The following CDK19 variants were observed in gnomAD, a reference collection of about 807,000 sequenced individuals.
CDK19 encodes the protein cyclin-dependent kinase 19.
CDK19 carries 20 observed loss-of-function variants against 68.3 expected under a neutral mutation model. That is an observed-to-expected ratio of 0.29 (90% CI 0.21 to 0.43). The LOEUF is 0.43. Among genes scored for constraint, CDK19 ranks in the 20% least tolerant of loss-of-function variants. The pLI, the probability that CDK19 is intolerant of heterozygous loss-of-function variation, is 1.00. For synonymous variants in CDK19, 221 were observed against 222.8 expected, an observed-to-expected ratio of 0.99 and a Z score of 0.07; for missense variants, 339 against 623.5, an observed-to-expected ratio of 0.54 and a Z score of 4.86.
chr6:110,757,031 G>A (rs1266407415), intron 1 of CDK19, among the ~76,000 whole-genome samples: 1 of 152,102 alleles, frequency 6.6e-6, no homozygotes, highest in Admixed American at 6.6e-5. Flanking sequence ...TAAAGATAGT[G>A]GTCAGTGCAA....
intron 1 of CDK19, among the ~76,000 whole-genome samples, chr6:110,780,388 CAAA>C (rs57316757): frequency 1.5e-5 from 1 of 67,122 alleles, no homozygotes; most frequent in Non-Finnish European, 3.4e-5. Flanking sequence ...CACTCTGTCT[CAAA>C]AAAAAAAAAA....
intron 1 of CDK19, among the ~76,000 whole-genome samples, chr6:110,797,073 G>A (rs1781990077): frequency 6.6e-6 from 1 of 151,662 alleles, no homozygotes; most frequent in Admixed American, 6.6e-5. Flanking sequence ...TGGGCACGGT[G>A]GCTCACACCT....
At chr6:110,730,122 A>G (rs1489371809) in intron 2 of CDK19, among the ~76,000 whole-genome samples, 1 of 152,212 alleles carries the variant, frequency 6.6e-6, no homozygotes, top group East Asian at 1.9e-4. Context: ...AGCAAAATCC[A>G]GAGCCTATCT....
chr6:110,710,721 G>A (rs1774876449), intron 2 of CDK19, among the ~76,000 whole-genome samples: 1 of 152,130 alleles, frequency 6.6e-6, no homozygotes, highest in Admixed American at 6.5e-5. Flanking sequence ...TCTCATTCAT[G>A]AGTGTGAAGC....
intron 1 of CDK19, among the ~76,000 whole-genome samples, chr6:110,777,401 A>G (rs1262553414): frequency 6.6e-6 from 1 of 152,182 alleles, no homozygotes; most frequent in African/African-American, 2.4e-5. Context: ...TAAACTTTAA[A>G]ATCTCAATAC....
intron 3 of CDK19, 92 bp downstream of exon 3, chr6:110,670,339 T>A (rs1770890848): frequency 1.6e-6 from 1 of 609,806 alleles, no homozygotes; most frequent in Non-Finnish European, 2.9e-6. Context: ...AGAGCAAGCT[T>A]TCCTTTCTGT....
At chr6:110,673,405 T>C (rs1222971715) in intron 2 of CDK19, among the ~76,000 whole-genome samples, 1 of 152,244 alleles carries the variant, frequency 6.6e-6, no homozygotes, top group Non-Finnish European at 1.5e-5. Flanking sequence ...GTTCTCTATA[T>C]ATTGGTGTAT....
intron 4 of CDK19, among the ~76,000 whole-genome samples, chr6:110,659,177 A>AT (rs1443711492): frequency 6.6e-6 from 1 of 152,246 alleles, no homozygotes; most frequent in Non-Finnish European, 1.5e-5. Flanking sequence ...ATCAGGCCCT[A>AT]TTTAGCAGAG....
At chr6:110,632,498 A>C (rs1779500730) in intron 5 of CDK19, among the ~76,000 whole-genome samples, 1 of 152,228 alleles carries the variant, frequency 6.6e-6, no homozygotes, top group African/African-American at 2.4e-5. Flanking sequence ...TGGGAGGCCG[A>C]GGTGGGCGGA....
intron 2 of CDK19, among the ~76,000 whole-genome samples, chr6:110,734,327 C>T (rs1041822042): frequency 5.9e-5 from 9 of 151,972 alleles, no homozygotes; most frequent in Non-Finnish European, 1.2e-4. Flanking sequence ...CAACTTTTAA[C>T]GGTACCTCTA....
At position 110,613,040 on chromosome 6, in the gene CDK19, C is replaced by A. The variant is rs1227486854; in HGVS notation, c.*1495G>T. On this transcript the variant is annotated 3_prime_UTR_variant, in exon 13 of 13. Coordinates refer to ENST00000368911, the MANE Select transcript of CDK19 (RefSeq NM_015076.5). ...AGCTATTTCTTCTAGCTCAAGAAAA[C>A]ATTTAAAACAAGGCTGGTGCTGCTA... is the stretch of plus-strand genomic sequence containing the variant. 2 of 152,600 alleles carry A rather than the reference C, an allele frequency of 1.3e-5. No homozygotes were observed. Among genetic ancestry groups the A allele is most frequent in the Admixed American group, 6.5e-5 (1 of 15,276 alleles). 9.5% of individuals were successfully genotyped at this position (152,600 alleles called of 1,614,324 possible). A position where few individuals can be genotyped will look rare whatever the true frequency, so the allele number is the denominator to read the frequency against.
At position 110,610,646 on chromosome 6, in the gene CDK19, T is replaced by C. The variant is rs1049787705; in HGVS notation, c.*3889A>G. On this transcript the variant is annotated 3_prime_UTR_variant, in exon 13 of 13. Transcript: ENST00000368911. Reference sequence around the variant, plus strand: ...TGGGGACCTAAACTGCTATGTTTTATACAAAATATTACTTGTACTTGAATC... The same window carrying C: ...TGGGGACCTAAACTGCTATGTTTTACACAAAATATTACTTGTACTTGAATC... 3.9e-5 allele frequency: 6 copies of C among 152,202 alleles called. No homozygotes were observed. Among genetic ancestry groups the C allele is most frequent in the African/African-American group, 1.2e-4 (5 of 41,446 alleles). The allele number at this position is 152,202 out of a possible 1,614,324, so 9.4% of individuals were successfully genotyped here.
chr6:110,757,823 A>G lies in CDK19; in HGVS notation c.129-11622T>C, dbSNP rs371631259. 3.9e-5 allele frequency among the ~76,000 whole-genome samples: 6 copies of G among 152,284 alleles called. No homozygotes were observed. In the East Asian group the frequency reaches 1.2e-3, roughly 29 times the overall value. On this transcript the variant is annotated intron_variant, in intron 1 of 12. Coordinates refer to ENST00000368911, the MANE Select transcript of CDK19 (RefSeq NM_015076.5). ...GTAGGTGTTCACTGTTCTAAAGTAAACTTTTCTGCTTTTACAGAACTTTTC... is the reference window on the plus strand; with the variant it reads ...GTAGGTGTTCACTGTTCTAAAGTAAGCTTTTCTGCTTTTACAGAACTTTTC...
chr6:110,713,947 A>G (rs1367906475), intron 2 of CDK19, among the ~76,000 whole-genome samples: 1 of 152,240 alleles, frequency 6.6e-6, no homozygotes, highest in African/African-American at 2.4e-5. Context: ...AATTTCACAT[A>G]ACATAAACTT....
intron 2 of CDK19, among the ~76,000 whole-genome samples, chr6:110,688,584 A>G (rs1201997221): frequency 1.3e-5 from 2 of 152,152 alleles, no homozygotes; most frequent in African/African-American, 4.8e-5. Flanking sequence ...CCTGAGTGTG[A>G]GAAGGGGAAA....
intron 1 of CDK19, among the ~76,000 whole-genome samples, chr6:110,801,687 AT>A (rs1239049926): frequency 6.6e-6 from 1 of 151,910 alleles, no homozygotes; most frequent in African/African-American, 2.4e-5. Context: ...AATTTTTTGT[AT>A]TTTTAGTACA....
chr6:110,705,841 C>T (rs1014041585), intron 2 of CDK19, among the ~76,000 whole-genome samples: 8 of 152,038 alleles, frequency 5.3e-5, no homozygotes, highest in Admixed American at 4.6e-4. Flanking sequence ...ACATCACACA[C>T]TGGGGCTTGT....
In CDK19 at chr6:110,814,728, A is replaced by G. The variant is rs899442396; in HGVS notation, c.128+281T>C. On this transcript the variant is annotated intron_variant, in intron 1 of 12. Coordinates refer to ENST00000368911, the MANE Select transcript of CDK19 (RefSeq NM_015076.5). ...CCTCCTCCACCGCGGTCCCAACTCG[A>G]GTCCCCCCGCCGTCTCCGAGCACTC... 7 of 611,832 alleles carry G rather than the reference A, an allele frequency of 1.1e-5. No individual in the cohort carries two copies. In the African/African-American group the frequency reaches 1.3e-4, roughly 11 times the overall value. The allele number at this position is 611,832 out of a possible 1,614,324, so 37.9% of individuals were successfully genotyped here.
chr6:110,670,402 T>C, intron 3 of CDK19, 29 bp downstream of exon 3: 2 of 1,244,466 alleles, frequency 1.6e-6, no homozygotes, highest in Non-Finnish European at 2.4e-6. Context: ...TATAAAACAA[T>C]CCTAGAAATA....
Sources: gnomAD v4.1 joint callset for allele counts (sites outside exome capture counted in the v4.1 genomes callset) on GRCh38, gnomAD v4.1.1 for gene constraint, MANE v1.5 for transcripts, NCBI Gene and HGNC (gene_info 2026-07-23, HGNC 2026-07-21) for gene names.